LRP1B: variants seen among roughly 807,000 people sequenced by gnomAD.
LRP1B encodes low-density lipoprotein receptor-related protein 1B.
A neutral mutation model predicts 556.6 loss-of-function variants in LRP1B; 217 were observed. The observed-to-expected ratio is 0.39, with a 90% confidence interval of 0.35 to 0.44. The LOEUF is 0.44. Ranked by LOEUF, LRP1B falls within the 20% of genes least tolerant of loss-of-function variation. The pLI, the probability that LRP1B is intolerant of heterozygous loss-of-function variation, is 1.00. For missense variants in LRP1B, 5,053 were observed against 5,620.8 expected (o/e 0.90, Z 3.23); for synonymous variants, 2,047 against 1,865.8 (o/e 1.10, Z -2.50).
At chr2:141,174,079 A>G (rs1680628535) in intron 7 of LRP1B, among the ~76,000 whole-genome samples, 1 of 152,028 alleles carries the variant, frequency 6.6e-6, no homozygotes, top group African/African-American at 2.4e-5. Flanking sequence ...GTATGCTCCA[A>G]AAGAAAAAAA....
chr2:140,500,978 T>C (rs1689161347), intron 55 of LRP1B, among the ~76,000 whole-genome samples: 1 of 151,982 alleles, frequency 6.6e-6, no homozygotes. Context: ...ATTGCTCTTA[T>C]TGAGGTTTTT....
chr2:141,114,250 C>T (rs1700825043), intron 7 of LRP1B, among the ~76,000 whole-genome samples: 1 of 152,224 alleles, frequency 6.6e-6, no homozygotes, highest in African/African-American at 2.4e-5. Context: ...GCTCTTTTAA[C>T]AGTTGCCTCC....
chr2:140,872,213 T>C (rs950711098), intron 25 of LRP1B, among the ~76,000 whole-genome samples: 7 of 151,872 alleles, frequency 4.6e-5, no homozygotes, highest in Non-Finnish European at 1.0e-4. Flanking sequence ...TAGTTTATAA[T>C]AGTCTGGAGT....
At chr2:141,612,881 C>T (rs1037371773) in intron 2 of LRP1B, among the ~76,000 whole-genome samples, 1 of 152,164 alleles carries the variant, frequency 6.6e-6, no homozygotes, top group Non-Finnish European at 1.5e-5. Flanking sequence ...CAGCTCACTG[C>T]AAGCTCTCCC....
chr2:141,985,516 T>G lies in LRP1B; in HGVS notation c.82+145132A>C, dbSNP rs1032573199. 5.6e-4 allele frequency among the ~76,000 whole-genome samples: 85 copies of G among 151,626 alleles called. 1 individual carries two copies. In the South Asian group the frequency reaches 0.013, roughly 22 times the overall value. On this transcript the variant is annotated intron_variant, in intron 1 of 90. Coordinates refer to ENST00000389484, the MANE Select transcript of LRP1B (RefSeq NM_018557.3). ...AAACAGACGAGAATTTTTATTTTTT[T>G]GGGGGGGGTATCTTTTCCATATTCA...
intron 83 of LRP1B, among the ~76,000 whole-genome samples, chr2:140,303,012 C>CATAT (rs59878403): frequency 0.052 from 4,293 of 82,188 alleles, 86 homozygotes; most frequent in Admixed American, 0.065. Context: ...AAATCTCCTT[C>CATAT]ATATATATAT....
intron 2 of LRP1B, among the ~76,000 whole-genome samples, chr2:141,489,744 A>G (rs1379135486): frequency 3.3e-5 from 5 of 152,130 alleles, no homozygotes; most frequent in African/African-American, 1.2e-4. Context: ...TAAATAAAAC[A>G]AATTTATAGT....
At chr2:141,655,920 A>C (rs1482772972) in intron 2 of LRP1B, among the ~76,000 whole-genome samples, 2 of 152,140 alleles carry the variant, frequency 1.3e-5, no homozygotes, top group Non-Finnish European at 2.9e-5. Flanking sequence ...ATATAGCATT[A>C]AAAAAACATT....
intron 5 of LRP1B, among the ~76,000 whole-genome samples, chr2:141,230,617 A>T (rs1683423099): frequency 6.6e-6 from 1 of 152,026 alleles, no homozygotes; most frequent in Non-Finnish European, 1.5e-5. Context: ...CATTTCCTTC[A>T]TCTCCTTACT....
chr2:141,859,469 A>G (rs892212134), intron 1 of LRP1B, among the ~76,000 whole-genome samples: 6 of 152,222 alleles, frequency 3.9e-5, no homozygotes, highest in African/African-American at 1.4e-4. Context: ...AACATGACCA[A>G]TATCAGTAAC....
At chr2:141,319,316 T>G (rs1323447662) in intron 3 of LRP1B, among the ~76,000 whole-genome samples, 7 of 148,648 alleles carry the variant, frequency 4.7e-5, no homozygotes, top group African/African-American at 1.7e-4. Context: ...TGTTGTTTTT[T>G]TTTTTTTTCC....
chr2:140,281,576 T>C (rs1021478385), intron 84 of LRP1B, among the ~76,000 whole-genome samples: 4 of 151,846 alleles, frequency 2.6e-5, no homozygotes, highest in Non-Finnish European at 2.9e-5. Context: ...TGGACACTTA[T>C]TGTTCTACTT....
chr2:141,768,242 G>A (rs1047123825), intron 2 of LRP1B, among the ~76,000 whole-genome samples: 2 of 151,974 alleles, frequency 1.3e-5, no homozygotes, highest in Non-Finnish European at 2.9e-5. Flanking sequence ...CTGTTTTGTT[G>A]TTATTGTTTT....
At chr2:140,663,839 TAA>T (rs1238384383) in intron 41 of LRP1B, among the ~76,000 whole-genome samples, 5 of 152,240 alleles carry the variant, frequency 3.3e-5, no homozygotes, top group Non-Finnish European at 7.3e-5. Context: ...CTTTCCTCAC[TAA>T]GTTTAATCAT....
chr2:141,143,090 G>A (rs531848324), intron 7 of LRP1B, among the ~76,000 whole-genome samples: 25 of 151,964 alleles, frequency 1.6e-4, no homozygotes, highest in African/African-American at 6.0e-4. Context: ...TACCACGCCT[G>A]GCTAATTTTT....
intron 3 of LRP1B, among the ~76,000 whole-genome samples, chr2:141,409,391 C>G (rs552584567): frequency 7.2e-5 from 11 of 151,992 alleles, no homozygotes; most frequent in Non-Finnish European, 7.4e-5. Context: ...AAATGAGAAA[C>G]AGAAAACCAG....
At chr2:141,541,037 G>T (rs1347996245) in intron 2 of LRP1B, among the ~76,000 whole-genome samples, 1 of 151,820 alleles carries the variant, frequency 6.6e-6, no homozygotes. Context: ...TATTCCAAAA[G>T]ATATCATTCA....
At chr2:141,176,843 A>C (rs550263570) in intron 7 of LRP1B, among the ~76,000 whole-genome samples, 306 of 152,248 alleles carry the variant, frequency 2.0e-3, no homozygotes, top group African/African-American at 5.1e-3. Flanking sequence ...TTTAAAATAG[A>C]GGCCTTTGAG....
rs759346656 is a variant in LRP1B at position 140,715,987 on chromosome 2, C to T, written c.6009G>A (p.Val2003=). 12 of 1,593,952 alleles carry T rather than the reference C, an allele frequency of 7.5e-6. No homozygotes were observed. The highest frequency in any genetic ancestry group is 4.5e-5 in the East Asian group (2 of 44,566). The part of the protein sequence containing the change: ...QGLDQPRSIA[V]HPEKGLLFWT... ...CTTAAAATTACCCTTTCTCTGGGTG[C>T]ACAGCTATAGATCTTGGTTGATCCA... is the stretch of plus-strand genomic sequence containing the variant. Residue 2003 remains valine, a synonymous_variant, in exon 37 of 91, where the codon GTG becomes GTA. Transcript: ENST00000389484.
Sources: gnomAD v4.1 joint callset for allele counts (sites outside exome capture counted in the v4.1 genomes callset) on GRCh38, gnomAD v4.1.1 for gene constraint, MANE v1.5 for transcripts, NCBI Gene and HGNC (gene_info 2026-07-23, HGNC 2026-07-21) for gene names.